The following CCDC102B variants were observed in gnomAD, a reference collection of about 807,000 sequenced individuals.
CCDC102B encodes the protein coiled-coil domain-containing protein 102B.
Under a neutral mutation model 57.4 loss-of-function variants are expected in CCDC102B, and 75 were observed. That is an observed-to-expected ratio of 1.31 (90% CI 1.08 to 1.58). The LOEUF is 1.58. Ranked by LOEUF, CCDC102B falls within the 40% of genes most tolerant of loss-of-function variation. CCDC102B has a pLI of 0.00. For synonymous variants in CCDC102B, 206 were observed against 201.9 expected (o/e 1.02, Z -0.17); for missense variants, 636 against 582.6 (o/e 1.09, Z -0.94).
intron 3 of CCDC102B, among the ~76,000 whole-genome samples, chr18:68,845,967 G>A (rs2037837027): frequency 6.6e-6 from 1 of 151,608 alleles, no homozygotes; most frequent in Admixed American, 6.6e-5. Context: ...AGAATTCCAT[G>A]TTAAAATTAG....
chr18:68,861,150 A>G (rs997578133), intron 4 of CCDC102B, among the ~76,000 whole-genome samples: 41 of 150,808 alleles, frequency 2.7e-4, no homozygotes, highest in Middle Eastern at 3.4e-3. Flanking sequence ...AAAAAAAAAT[A>G]CATGCTCCAA....
At chr18:68,872,335 G>A (rs1382091632) in intron 4 of CCDC102B, among the ~76,000 whole-genome samples, 1 of 152,056 alleles carries the variant, frequency 6.6e-6, no homozygotes, top group Non-Finnish European at 1.5e-5. Flanking sequence ...CTGTCCAATG[G>A]AGTAGATCAG....
chr18:68,780,467 C>T (rs1419754104), intron 2 of CCDC102B, among the ~76,000 whole-genome samples: 2 of 102,340 alleles, frequency 2.0e-5, no homozygotes, highest in Non-Finnish European at 4.0e-5. Context: ...TTCATCAACA[C>T]TTGTTTTTTT....
chr18:68,911,238 T>C (rs1205417877), intron 6 of CCDC102B, among the ~76,000 whole-genome samples: 1 of 152,156 alleles, frequency 6.6e-6, no homozygotes, highest in Non-Finnish European at 1.5e-5. Context: ...ATACACATCA[T>C]GGAATACTAT....
intron 6 of CCDC102B, among the ~76,000 whole-genome samples, chr18:68,929,036 G>A (rs1380794692): frequency 2.6e-5 from 4 of 151,892 alleles, no homozygotes; most frequent in Non-Finnish European, 5.9e-5. Flanking sequence ...CGTGCTCAAT[G>A]AGCTATTGAG....
In CCDC102B at chr18:68,956,444, TA is replaced by T. The variant is rs1568352290; in HGVS notation, c.1264-54489del. On this transcript the variant is annotated intron_variant, in intron 6 of 7. Coordinates refer to ENST00000360242, the MANE Select transcript of CCDC102B (RefSeq NM_024781.3). ...TATATATTATACATTTTATATATAT[TA>T]TATATATTATATATTTTATATATAT... Among the ~76,000 whole-genome samples the T allele has an allele frequency of 2.4e-4, 7 of 29,742 alleles. 2 individuals carry two copies. The highest frequency in any genetic ancestry group is 7.1e-4 in the Admixed American group (1 of 1,412). The allele number at this position is 29,742 out of a possible 152,430, so 19.5% of individuals were successfully genotyped here. A position where few individuals can be genotyped will look rare whatever the true frequency, so the allele number is the denominator to read the frequency against.
chr18:68,763,953 A>G (rs966451594), intron 2 of CCDC102B, among the ~76,000 whole-genome samples: 1 of 152,064 alleles, frequency 6.6e-6, no homozygotes, highest in Non-Finnish European at 1.5e-5. Flanking sequence ...TAGAACCTTG[A>G]TCATCGTTGC....
At chr18:68,956,335 A>C (rs1468850955) in intron 6 of CCDC102B, among the ~76,000 whole-genome samples, 1 of 36,866 alleles carries the variant, frequency 2.7e-5, no homozygotes, top group Non-Finnish European at 6.4e-5. Flanking sequence ...TATATATTAT[A>C]TATAATATAT....
chr18:68,911,965 A>G (rs1001123623), intron 6 of CCDC102B, among the ~76,000 whole-genome samples: 2 of 152,050 alleles, frequency 1.3e-5, no homozygotes, highest in African/African-American at 4.8e-5. Flanking sequence ...AATTTAACCA[A>G]TCCCATTTTG....
chr18:68,743,058 G>A (rs1466744304), intron 2 of CCDC102B, among the ~76,000 whole-genome samples: 2 of 151,936 alleles, frequency 1.3e-5, no homozygotes, highest in African/African-American at 2.4e-5. Flanking sequence ...ACCTGACTAT[G>A]GGTCAGAGGT....
downstream of CCDC102B, among the ~76,000 whole-genome samples, chr18:69,057,415 G>T (rs2052835307): frequency 6.6e-6 from 1 of 152,032 alleles, no homozygotes; most frequent in African/African-American, 2.4e-5. Context: ...TGTCCAAGAT[G>T]ACTTCAATCT....
chr18:68,756,322 G>A (rs191801747), intron 2 of CCDC102B, among the ~76,000 whole-genome samples: 96 of 152,128 alleles, frequency 6.3e-4, no homozygotes, highest in African/African-American at 2.3e-3. Flanking sequence ...ACAATAAATA[G>A]ATGGTTCTCT....
intron 6 of CCDC102B, among the ~76,000 whole-genome samples, chr18:68,968,110 G>T (rs1023735919): frequency 1.8e-4 from 27 of 152,086 alleles, no homozygotes; most frequent in African/African-American, 6.5e-4. Context: ...AATGAGGAAG[G>T]ACATTCTTAG....
At chr18:68,768,825 G>A (rs1275697830) in intron 2 of CCDC102B, among the ~76,000 whole-genome samples, 1 of 151,980 alleles carries the variant, frequency 6.6e-6, no homozygotes, top group Admixed American at 6.6e-5. Context: ...ACTCTGTCAA[G>A]TAGCTTTCAG....
intron 6 of CCDC102B, among the ~76,000 whole-genome samples, chr18:68,991,530 A>C (rs1397141612): frequency 6.6e-6 from 1 of 152,204 alleles, no homozygotes; most frequent in Non-Finnish European, 1.5e-5. Flanking sequence ...TGAGTCACTT[A>C]TCTCACTTTC....
intron 6 of CCDC102B, among the ~76,000 whole-genome samples, chr18:68,973,766 CAA>C (rs1335370825): frequency 6.6e-6 from 1 of 151,900 alleles, no homozygotes; most frequent in Non-Finnish European, 1.5e-5. Flanking sequence ...TATGTTTGTA[CAA>C]ACAGTGTAAT....
At chr18:68,968,200 T>A (rs1228817031) in intron 6 of CCDC102B, among the ~76,000 whole-genome samples, 1 of 152,174 alleles carries the variant, frequency 6.6e-6, no homozygotes. Context: ...CTACTACACA[T>A]GTAGGCCATA....
chr18:69,006,408 T>G (rs549698626), intron 6 of CCDC102B, among the ~76,000 whole-genome samples: 5 of 128,148 alleles, frequency 3.9e-5, no homozygotes, highest in African/African-American at 1.5e-4. Flanking sequence ...TTTATTTATT[T>G]ATTTATTTAT....
intron 1 of CCDC102B, among the ~76,000 whole-genome samples, chr18:68,835,759 G>A (rs574932605): frequency 1.3e-5 from 2 of 152,288 alleles, no homozygotes; most frequent in African/African-American, 4.8e-5. Context: ...AATGTTATGA[G>A]AAGGCTGTTA....
Sources: gnomAD v4.1 joint callset for allele counts (sites outside exome capture counted in the v4.1 genomes callset) on GRCh38, gnomAD v4.1.1 for gene constraint, MANE v1.5 for transcripts, NCBI Gene and HGNC (gene_info 2026-07-23, HGNC 2026-07-21) for gene names.